FARP1: variants seen among roughly 807,000 people sequenced by gnomAD.
FARP1 encodes FERM, ARHGEF and pleckstrin domain-containing protein 1.
A neutral mutation model predicts 128.8 loss-of-function variants in FARP1; 52 were observed. The ratio of observed to expected loss-of-function variants is 0.40; its 90% CI spans 0.32 to 0.51. The LOEUF (loss-of-function observed/expected upper bound fraction) is 0.51, where lower values mean the gene tolerates loss of function less well. FARP1 is among the 20% of genes least tolerant of loss of function. FARP1 has a pLI of 0.45. For missense variants in FARP1, 1,333 were observed against 1,367.9 expected (o/e 0.97, Z 0.40); for synonymous variants, 580 against 551.8 (o/e 1.05, Z -0.72).
At chr13:98,406,378 T>A (rs1890972246) in intron 13 of FARP1, 1 of 152,080 alleles carries the variant, frequency 6.6e-6, no homozygotes, top group Non-Finnish European at 1.5e-5. Context: ...AACTGTAGAG[T>A]TTCAGGCCTT....
In FARP1 at chr13:98,437,171, G is replaced by T. The variant is rs541769700; in HGVS notation, c.2274+1465G>T. On this transcript the variant is annotated intron_variant, in intron 19 of 26. Coordinates refer to ENST00000319562, the MANE Select transcript of FARP1 (RefSeq NM_005766.4). ...GATGAAAGGTAGCCATAGAATAGTGGCATTAACTACATTGCAGAGCACAAC... is the reference window on the plus strand; with the variant it reads ...GATGAAAGGTAGCCATAGAATAGTGTCATTAACTACATTGCAGAGCACAAC... Among the ~76,000 whole-genome samples the T allele has an allele frequency of 5.3e-5, 8 of 152,298 alleles. No individual in the cohort carries two copies. The East Asian group carries it at 1.5e-3, about 29-fold the overall frequency.
chr13:98,239,163 T>C (rs1882615759), intron 2 of FARP1, among the ~76,000 whole-genome samples: 1 of 152,126 alleles, frequency 6.6e-6, no homozygotes, highest in African/African-American at 2.4e-5. Context: ...GCATTCAGTA[T>C]ATTGAACACT....
Position 98,446,728 on chromosome 13 carries a change from C to T in FARP1, c.2967C>T (p.Ser989=), listed in dbSNP as rs534082071. 15 of 1,614,142 alleles carry T rather than the reference C, an allele frequency of 9.3e-6. No homozygotes were observed. Among genetic ancestry groups the T allele is most frequent in the African/African-American group, 6.7e-5 (5 of 75,044 alleles). ...ACTCGCTCACCATCCCCTCTGAGTC[C>T]GAGAACATCCAGAAAGACTACGTGT... The part of the protein sequence containing the change: ...LGYSLTIPSE[S]ENIQKDYVFK... The change falls in exon 26 of 27, where the codon TCC becomes TCT. Residue 989 remains serine, a synonymous_variant. Transcript: ENST00000319562.
intron 1 of FARP1, among the ~76,000 whole-genome samples, chr13:98,201,360 T>C (rs1879931644): frequency 6.6e-6 from 1 of 152,174 alleles, no homozygotes; most frequent in South Asian, 2.1e-4. Context: ...GAGGAACGCT[T>C]GAGCCCAGGA....
At chr13:98,292,290 C>T (rs769271089) in intron 2 of FARP1, among the ~76,000 whole-genome samples, 2 of 152,230 alleles carry the variant, frequency 1.3e-5, no homozygotes, top group African/African-American at 2.4e-5. Context: ...TGTTAATTTG[C>T]TTCCCGTTTG....
intron 7 of FARP1, 83 bp from the exon 8 acceptor site, chr13:98,385,584 C>A: frequency 6.7e-7 from 1 of 1,482,416 alleles, no homozygotes; most frequent in Non-Finnish European, 9.4e-7. Flanking sequence ...TTGTATTTCC[C>A]AGGAGAAGCT....
intron 1 of FARP1, among the ~76,000 whole-genome samples, chr13:98,144,337 G>A (rs999167814): frequency 6.6e-6 from 1 of 152,124 alleles, no homozygotes; most frequent in African/African-American, 2.4e-5. Context: ...CAGAAAGGAG[G>A]GAGCTGAGGC....
chr13:98,353,358 T>C (rs1257076850), intron 3 of FARP1, among the ~76,000 whole-genome samples: 43 of 152,192 alleles, frequency 2.8e-4, no homozygotes, highest in Non-Finnish European at 1.3e-4. Context: ...CACTAAGCTG[T>C]ACATTTGCTT....
chr13:98,376,587 G>A (rs1297355298), intron 5 of FARP1, among the ~76,000 whole-genome samples: 1 of 152,182 alleles, frequency 6.6e-6, no homozygotes, highest in Non-Finnish European at 1.5e-5. Flanking sequence ...ACATGGGAGT[G>A]CAGATATCTC....
intron 17 of FARP1, among the ~76,000 whole-genome samples, chr13:98,429,635 C>T (rs1891935158): frequency 6.6e-6 from 1 of 152,104 alleles, no homozygotes; most frequent in South Asian, 2.1e-4. Flanking sequence ...TGGTACCCAT[C>T]CTGAAGTTAG....
intron 2 of FARP1, among the ~76,000 whole-genome samples, chr13:98,291,696 A>C (rs1364418380): frequency 1.3e-5 from 2 of 152,154 alleles, no homozygotes; most frequent in Non-Finnish European, 2.9e-5. Flanking sequence ...CAAGCTAGCC[A>C]GAGTACTCCT....
chr13:98,416,567 C>A (rs535294462), intron 16 of FARP1, among the ~76,000 whole-genome samples: 1 of 152,332 alleles, frequency 6.6e-6, no homozygotes, highest in East Asian at 1.9e-4. Flanking sequence ...TCTTCAAAAA[C>A]AAGGAAACTG....
chr13:98,147,700 C>T (rs1372635607), intron 1 of FARP1, among the ~76,000 whole-genome samples: 1 of 151,882 alleles, frequency 6.6e-6, no homozygotes, highest in Admixed American at 6.6e-5. Flanking sequence ...GAAAAAAACT[C>T]GAGGCTGGAG....
At chr13:98,155,515 GTTTTAA>G (rs1472776309) in intron 1 of FARP1, among the ~76,000 whole-genome samples, 1 of 151,884 alleles carries the variant, frequency 6.6e-6, no homozygotes, top group Non-Finnish European at 1.5e-5. Context: ...GTTTTTTTAA[GTTTTAA>G]TTTTACTTAT....
Position 98,388,493 on chromosome 13 carries a change from C to T in FARP1, c.855+15C>T, listed in dbSNP as rs200651507. 2.8e-5 allele frequency: 44 copies of T among 1,596,420 alleles called. No homozygotes were observed. The highest frequency in any genetic ancestry group is 1.2e-4 in the African/African-American group (9 of 74,658). On this transcript the variant is annotated intron_variant, in intron 9 of 26. Transcript: ENST00000319562. ...CAGATGCCAATGTAAGTGGTCCTGG[C>T]GGGAAAGGGGACCCGTTGAGCCATG...
intron 1 of FARP1, among the ~76,000 whole-genome samples, chr13:98,168,652 T>G (rs983319808): frequency 3.3e-5 from 5 of 152,236 alleles, no homozygotes; most frequent in Non-Finnish European, 5.9e-5. Flanking sequence ...TCCCCTTTGC[T>G]TCTCTTTCTT....
chr13:98,344,506 G>A lies in FARP1; in HGVS notation c.276+640G>A, dbSNP rs572649756. Among the ~76,000 whole-genome samples, 15 of 152,314 alleles carry A rather than the reference G, an allele frequency of 9.8e-5. No homozygotes were observed. In the South Asian group the frequency reaches 2.1e-3, roughly 21 times the overall value. On this transcript the variant is annotated intron_variant, in intron 3 of 26. Coordinates refer to ENST00000319562, the MANE Select transcript of FARP1 (RefSeq NM_005766.4). Reference sequence around the variant, plus strand: ...CCAGCTTGAGGAGGCAGGGGCATCCGTGGCATTCAGTGGAGACATCCAGCA... The same window carrying A: ...CCAGCTTGAGGAGGCAGGGGCATCCATGGCATTCAGTGGAGACATCCAGCA...
chr13:98,172,845 C>G (rs527735628), intron 1 of FARP1, among the ~76,000 whole-genome samples: 1 of 152,296 alleles, frequency 6.6e-6, no homozygotes, highest in South Asian at 2.1e-4. Context: ...TATGAGATAA[C>G]TTTACACGTT....
At chr13:98,187,344 G>C (rs1594246860) in intron 1 of FARP1, among the ~76,000 whole-genome samples, 1 of 152,190 alleles carries the variant, frequency 6.6e-6, no homozygotes, top group African/African-American at 2.4e-5. Context: ...TAAGAGTGGA[G>C]ATGCTGTCAC....
Sources: allele counts gnomAD v4.1 joint callset (sites outside exome capture counted in the v4.1 genomes callset), GRCh38; gene constraint gnomAD v4.1.1; transcripts MANE v1.5; gene names NCBI Gene and HGNC (gene_info 2026-07-23, HGNC 2026-07-21).